Variants in SHC4 observed in about 807,000 individuals in gnomAD.
SHC4 encodes the protein SHC-transforming protein 4.
SHC4 carries 41 observed loss-of-function variants against 69.4 expected under a neutral mutation model. The ratio of observed to expected loss-of-function variants is 0.59; its 90% CI spans 0.46 to 0.77. SHC4 has a LOEUF of 0.77. Ranked by LOEUF, SHC4 falls within the 30% of genes least tolerant of loss-of-function variation. The pLI is 0.00. For synonymous variants in SHC4, 318 were observed against 299.3 expected (o/e 1.06, Z -0.64); for missense variants, 777 against 783.8 (o/e 0.99, Z 0.10).
chr15:48,882,186 T>C (rs1008180062), intron 4 of SHC4, among the ~76,000 whole-genome samples: 11 of 152,194 alleles, frequency 7.2e-5, no homozygotes, highest in African/African-American at 2.7e-4. Flanking sequence ...TAGTTGCCTT[T>C]CTCATGGGAA....
At chr15:48,833,470 T>C (rs1436493995) in intron 11 of SHC4, among the ~76,000 whole-genome samples, 1 of 152,178 alleles carries the variant, frequency 6.6e-6, no homozygotes, top group Non-Finnish European at 1.5e-5. Flanking sequence ...GTTTATCAGG[T>C]ATCCCTCCAA....
chr15:48,880,683 G>GGGAGAAAAAC (rs1899923022), intron 4 of SHC4, among the ~76,000 whole-genome samples: 1 of 152,082 alleles, frequency 6.6e-6, no homozygotes, highest in Non-Finnish European at 1.5e-5. Flanking sequence ...AATTGACTTG[G>GGGAGAAAAAC]TTGTTTTTCA....
chr15:48,880,067 G>A (rs1035216627), intron 4 of SHC4: 1 of 167,048 alleles, frequency 6.0e-6, no homozygotes, highest in South Asian at 2.1e-4. Context: ...ACATCAGAAG[G>A]CTAGGTTCAG....
rs1478748764 is a variant in SHC4 at position 48,860,261 on chromosome 15, C to T, written c.947-2446G>A. 2.6e-5 allele frequency among the ~76,000 whole-genome samples: 4 copies of T among 152,108 alleles called. No homozygotes were observed. The East Asian group carries it at 7.7e-4, about 29-fold the overall frequency. ...AGGTGCAGTGGCTCACGCCTGTAAT[C>T]CCAGTACTTTGGGAGGCTGAGGCAG... On this transcript the variant is annotated intron_variant, in intron 6 of 11. Transcript: ENST00000332408.
At chr15:48,851,581 C>G (rs1391002841) in intron 8 of SHC4, among the ~76,000 whole-genome samples, 1 of 152,174 alleles carries the variant, frequency 6.6e-6, no homozygotes, top group African/African-American at 2.4e-5. Flanking sequence ...TTTCAGGACA[C>G]TGCTATAAAC....
intron 1 of SHC4, among the ~76,000 whole-genome samples, chr15:48,934,307 T>C (rs763860861): frequency 1.2e-4 from 18 of 152,094 alleles, no homozygotes; most frequent in African/African-American, 4.8e-5. Context: ...AAGAAATATA[T>C]ACAAATAGAC....
chr15:48,880,902 C>T (rs904120078), intron 4 of SHC4, among the ~76,000 whole-genome samples: 3 of 150,192 alleles, frequency 2.0e-5, no homozygotes, highest in African/African-American at 5.0e-5. Flanking sequence ...AAATTAATCT[C>T]TCTGGCTCAT....
rs1036808815 is a variant in SHC4 at position 48,886,449 on chromosome 15, T to C, written c.721-2082A>G. On this transcript the variant is annotated intron_variant, in intron 3 of 11. Transcript: ENST00000332408. ...GAGACAAAGTCTTTCATGCCATCAT[T>C]AGAAATGTCCTAACAGTTAAAAGAC... Among the ~76,000 whole-genome samples, 7 of 152,216 alleles carry C rather than the reference T, an allele frequency of 4.6e-5. No individual in the cohort carries two copies. The South Asian group carries it at 1.5e-3, about 32-fold the overall frequency.
At chr15:48,835,109 G>C in intron 10 of SHC4, 87 bp from the exon 11 acceptor site, 1 of 1,463,106 alleles carries the variant, frequency 6.8e-7, no homozygotes, top group East Asian at 2.5e-5. Context: ...AATATAACCT[G>C]AGGTCCTACT....
chr15:48,880,772 T>G (rs1006200522), intron 4 of SHC4, among the ~76,000 whole-genome samples: 14 of 152,172 alleles, frequency 9.2e-5, no homozygotes, highest in African/African-American at 3.1e-4. Context: ...TAGAAAACAT[T>G]TTAACACCCC....
At chr15:48,843,289 C>T in intron 10 of SHC4, 120 bp downstream of exon 10, 1 of 989,864 alleles carries the variant, frequency 1.0e-6, no homozygotes, top group Non-Finnish European at 1.5e-6. Flanking sequence ...GGAACCAACC[C>T]TGCTGACACT....
chr15:48,836,957 A>G (rs1000953628), intron 10 of SHC4, among the ~76,000 whole-genome samples: 10 of 152,228 alleles, frequency 6.6e-5, no homozygotes, highest in Admixed American at 2.0e-4. Flanking sequence ...GATTTGATGA[A>G]TAATACTTGT....
At chr15:48,925,377 A>G (rs560991714) in intron 1 of SHC4, among the ~76,000 whole-genome samples, 76 of 152,244 alleles carry the variant, frequency 5.0e-4, no homozygotes, top group Non-Finnish European at 9.8e-4. Flanking sequence ...TTTCCTACAT[A>G]TAAATAAAGC....
intron 1 of SHC4, among the ~76,000 whole-genome samples, chr15:48,951,416 C>T (rs897627663): frequency 2.0e-5 from 3 of 152,076 alleles, no homozygotes; most frequent in Admixed American, 6.6e-5. Context: ...CTCTTGCATC[C>T]TCTCTGAGCA....
chr15:48,838,916 T>C (rs1262266350), intron 10 of SHC4, among the ~76,000 whole-genome samples: 2 of 151,596 alleles, frequency 1.3e-5, no homozygotes, highest in African/African-American at 4.8e-5. Context: ...AATAAAACTA[T>C]GAAGCCAATA....
rs188147711 is a variant in SHC4, at chr15:48,928,135, C to A, written c.586-3186G>T. On this transcript the variant is annotated intron_variant, in intron 1 of 11. Coordinates refer to ENST00000332408, the MANE Select transcript of SHC4 (RefSeq NM_203349.4). ...GTCTCTCCACCCAGGAGTACAAGAG[C>A]ACCCAGGACTCAGCCTCAGGTGCTA... is the stretch of plus-strand genomic sequence containing the variant. Among the ~76,000 whole-genome samples the A allele has an allele frequency of 7.3e-5, 11 of 151,198 alleles. No individual in the cohort carries two copies. In the East Asian group the frequency reaches 9.9e-4, roughly 14 times the overall value.
At chr15:48,918,442 T>C (rs1900672768) in intron 2 of SHC4, among the ~76,000 whole-genome samples, 2 of 152,222 alleles carry the variant, frequency 1.3e-5, no homozygotes, top group African/African-American at 4.8e-5. Flanking sequence ...TTCTAATTTT[T>C]CCTTTTTTGT....
intron 2 of SHC4, among the ~76,000 whole-genome samples, chr15:48,920,988 G>A (rs899753225): frequency 5.3e-5 from 8 of 151,944 alleles, no homozygotes; most frequent in Admixed American, 6.6e-5. Flanking sequence ...AGGAGGAGGA[G>A]GAGGAGGAAG....
At chr15:48,914,325 CT>C (rs1301754199) in intron 2 of SHC4, among the ~76,000 whole-genome samples, 1 of 152,208 alleles carries the variant, frequency 6.6e-6, no homozygotes, top group Non-Finnish European at 1.5e-5. Context: ...GTTTGAGTCC[CT>C]GCAAAACAGC....
Sources: allele counts gnomAD v4.1 joint callset (sites outside exome capture counted in the v4.1 genomes callset), GRCh38; gene constraint gnomAD v4.1.1; transcripts MANE v1.5; gene names NCBI Gene and HGNC (gene_info 2026-07-23, HGNC 2026-07-21).